Variants in GPAT3 observed in about 807,000 individuals in gnomAD.
GPAT3 encodes 1-AGP acyltransferase 9.
GPAT3 carries 53 observed loss-of-function variants against 58.8 expected under a neutral mutation model. The ratio of observed to expected loss-of-function variants is 0.90; its 90% CI spans 0.72 to 1.13. GPAT3 has a LOEUF of 1.13. Among genes scored for constraint, GPAT3 ranks in the 50% most tolerant of loss-of-function variants. The probability of loss-of-function intolerance (pLI) is 0.00; values close to 1 mark genes in which losing one functional copy is unlikely to be tolerated. For missense variants in GPAT3, 511 were observed against 527.6 expected (o/e 0.97, Z 0.31); for synonymous variants, 197 against 187.4 (o/e 1.05, Z -0.42).
rs187064154 is a variant in GPAT3 at position 83,601,706 on chromosome 4, A to G, written c.1206-2962A>G. Among the ~76,000 whole-genome samples, 213 of 152,388 alleles carry G rather than the reference A, an allele frequency of 1.4e-3. 1 individual carries two copies. Among genetic ancestry groups the G allele is most frequent in the Non-Finnish European group, 7.9e-4 (54 of 68,036 alleles). ...GAGGTCGAGGCTGCAGTTAGCTGAG[A>G]TCGTGCCACTGCACAGCAGCCTGGG... On this transcript the variant is annotated intron_variant, in intron 11 of 11. Coordinates refer to ENST00000264409, the MANE Select transcript of GPAT3 (RefSeq NM_032717.5).
At chr4:83,598,595 A>C (rs757718724) in intron 10 of GPAT3, 49 bp from the exon 11 acceptor site, 2 of 1,463,734 alleles carry the variant, frequency 1.4e-6, no homozygotes, top group Non-Finnish European at 1.9e-6. Flanking sequence ...ATGGTATTAA[A>C]AACTCGATAA....
At chr4:83,578,996 CCTT>C (rs2110095105) in intron 2 of GPAT3, among the ~76,000 whole-genome samples, 4 of 117,972 alleles carry the variant, frequency 3.4e-5, no homozygotes, top group African/African-American at 1.5e-4. Flanking sequence ...TTCCTTCCTT[CCTT>C]CCTTCCTTCC....
chr4:83,537,905 T>C (rs923715424), intron 1 of GPAT3, among the ~76,000 whole-genome samples: 3 of 152,110 alleles, frequency 2.0e-5, no homozygotes, highest in African/African-American at 7.2e-5. Flanking sequence ...TTGTGCCTCA[T>C]TTTCTGTATC....
intron 6 of GPAT3, among the ~76,000 whole-genome samples, chr4:83,594,119 C>T (rs1726719479): frequency 6.6e-6 from 1 of 152,064 alleles, no homozygotes; most frequent in Non-Finnish European, 1.5e-5. Context: ...GTTCTTTTGT[C>T]TTTTTCATTT....
chr4:83,581,095 C>CAA lies in GPAT3; in HGVS notation c.209-442_209-441dup, dbSNP rs35894737. On this transcript the variant is annotated intron_variant, in intron 2 of 11. Coordinates refer to ENST00000264409, the MANE Select transcript of GPAT3 (RefSeq NM_032717.5). ...TGGGTGACGGAGCAAGACTCCGTCT[C>CAA]AAAAAAAAAAAAAAAAAAAAAAAAA... 7.2e-3 allele frequency among the ~76,000 whole-genome samples: 506 copies of CAA among 70,084 alleles called. 37 individuals carry two copies. The highest frequency in any genetic ancestry group is 0.017 in the African/African-American group (210 of 12,594). 46.0% of individuals were successfully genotyped at this position (70,084 alleles called of 152,430 possible).
intron 2 of GPAT3, among the ~76,000 whole-genome samples, chr4:83,562,193 A>AT (rs1725164466): frequency 6.3e-5 from 3 of 47,984 alleles, no homozygotes; most frequent in African/African-American, 2.4e-4. Context: ...ATATATATAT[A>AT]TATATAATAT....
intron 2 of GPAT3, among the ~76,000 whole-genome samples, chr4:83,551,793 GAAAAAAAAAAAA>G (rs765639097): frequency 2.8e-3 from 175 of 61,936 alleles, no homozygotes; most frequent in Middle Eastern, 0.024. Context: ...CTCCATCTCG[GAAAAAAAAAAAA>G]AAAAAAAAAT....
At chr4:83,547,454 G>A (rs369679882) in intron 2 of GPAT3, among the ~76,000 whole-genome samples, 61 of 151,736 alleles carry the variant, frequency 4.0e-4, no homozygotes, top group East Asian at 1.6e-3. Context: ...GGGTTTCACC[G>A]TGTTAGCCAG....
intron 2 of GPAT3, among the ~76,000 whole-genome samples, chr4:83,549,383 G>A (rs920109477): frequency 6.6e-6 from 1 of 151,694 alleles, no homozygotes; most frequent in Non-Finnish European, 1.5e-5. Context: ...CTTGTAGAGA[G>A]CAACATAATT....
chr4:83,565,869 G>A (rs1191266213), intron 2 of GPAT3, among the ~76,000 whole-genome samples: 5 of 152,202 alleles, frequency 3.3e-5, no homozygotes, highest in African/African-American at 7.2e-5. Flanking sequence ...AATGGGAGGG[G>A]TAGGAAGGGA....
At position 83,564,195 on chromosome 4, in the gene GPAT3, T is replaced by C. The variant is rs560853371; in HGVS notation, c.209-17367T>C. Among the ~76,000 whole-genome samples, 23 of 152,328 alleles carry C rather than the reference T, an allele frequency of 1.5e-4. No individual in the cohort carries two copies. In the South Asian group the frequency reaches 2.9e-3, roughly 19 times the overall value. ...CACAGCTTCACCAATGTTGTAAATA[T>C]ATGTCTAACTTTTGGATTTGTGCCA... On this transcript the variant is annotated intron_variant, in intron 2 of 11. Coordinates refer to ENST00000264409, the MANE Select transcript of GPAT3 (RefSeq NM_032717.5).
intron 5 of GPAT3, 44 bp downstream of exon 5, chr4:83,588,343 C>T (rs746416360): frequency 1.9e-6 from 3 of 1,553,160 alleles, no homozygotes; most frequent in African/African-American, 1.4e-5. Flanking sequence ...TAGGTCAATT[C>T]AGCATGAGAT....
chr4:83,545,638 A>C (rs1724478160), intron 2 of GPAT3, among the ~76,000 whole-genome samples: 1 of 152,234 alleles, frequency 6.6e-6, no homozygotes, highest in African/African-American at 2.4e-5. Flanking sequence ...GTAGAGCTTC[A>C]TGGTGTATAC....
chr4:83,543,864 C>T (rs1023179632), intron 1 of GPAT3, among the ~76,000 whole-genome samples: 1 of 152,162 alleles, frequency 6.6e-6, no homozygotes, highest in African/African-American at 2.4e-5. Flanking sequence ...TAGTCTTGAA[C>T]TCCTGACCTC....
In GPAT3 at chr4:83,536,327, A is replaced by C. The variant is rs1019805516; in HGVS notation, c.-296A>C. Reference sequence around the variant, plus strand: ...CCGCGGTGTGCCTCCGCTTACCCGCAGCTCCGACCACTGGCTCGCGCTACC... The same window carrying C: ...CCGCGGTGTGCCTCCGCTTACCCGCCGCTCCGACCACTGGCTCGCGCTACC... On this transcript the variant is annotated 5_prime_UTR_variant, in exon 1 of 12. Transcript: ENST00000264409. The C allele has an allele frequency of 5.3e-6, 6 of 1,126,998 alleles. No homozygotes were observed. The highest frequency in any genetic ancestry group is 4.9e-5 in the African/African-American group (3 of 61,830). The allele number at this position is 1,126,998 out of a possible 1,614,324, so 69.8% of individuals were successfully genotyped here. A position where few individuals can be genotyped will look rare whatever the true frequency, so the allele number is the denominator to read the frequency against.
At chr4:83,538,919 A>T (rs1390895426) in intron 1 of GPAT3, among the ~76,000 whole-genome samples, 1 of 152,196 alleles carries the variant, frequency 6.6e-6, no homozygotes, top group African/African-American at 2.4e-5. Flanking sequence ...GAGATGCTTG[A>T]TATATGTGGA....
intron 11 of GPAT3, among the ~76,000 whole-genome samples, chr4:83,603,351 A>G (rs1227526172): frequency 1.3e-5 from 2 of 152,222 alleles, no homozygotes; most frequent in Non-Finnish European, 2.9e-5. Context: ...GAGAGAGTTC[A>G]AAGATTTACA....
intron 2 of GPAT3, among the ~76,000 whole-genome samples, chr4:83,555,643 T>C (rs1477993683): frequency 6.6e-6 from 1 of 152,178 alleles, no homozygotes; most frequent in East Asian, 1.9e-4. Context: ...AAGTAAAGTG[T>C]TTCCCTGAGT....
chr4:83,569,220 A>G (rs949972141), intron 2 of GPAT3, among the ~76,000 whole-genome samples: 8 of 152,214 alleles, frequency 5.3e-5, no homozygotes, highest in African/African-American at 1.4e-4. Context: ...TAAGGAATAC[A>G]AAGTGATCCA....
Sources: allele counts gnomAD v4.1 joint callset (sites outside exome capture counted in the v4.1 genomes callset), GRCh38; gene constraint gnomAD v4.1.1; transcripts MANE v1.5; gene names NCBI Gene and HGNC (gene_info 2026-07-23, HGNC 2026-07-21).